The following RASGEF1C variants were observed in gnomAD, a reference collection of about 807,000 sequenced individuals.
RASGEF1C encodes the protein ras-GEF domain-containing family member 1C.
In RASGEF1C, 27 loss-of-function variants were observed where a neutral mutation model predicts 58.1. The observed-to-expected ratio is 0.46, with a 90% confidence interval of 0.34 to 0.64. The LOEUF (loss-of-function observed/expected upper bound fraction) is 0.64, where lower values mean the gene tolerates loss of function less well. Ranked by LOEUF, RASGEF1C falls within the 30% of genes least tolerant of loss-of-function variation. RASGEF1C has a pLI of 0.01. For missense variants in RASGEF1C, 502 were observed against 605.1 expected (o/e 0.83, Z 1.79); for synonymous variants, 243 against 246.3 (o/e 0.99, Z 0.13).
intron 12 of RASGEF1C, among the ~76,000 whole-genome samples, chr5:180,104,572 C>G (rs919231272): frequency 6.6e-6 from 1 of 152,092 alleles, no homozygotes; most frequent in Non-Finnish European, 1.5e-5. Context: ...TATTTTGTTA[C>G]GGCAGCTCAA....
intron 1 of RASGEF1C, among the ~76,000 whole-genome samples, chr5:180,207,874 C>T (rs1561762122): frequency 6.6e-6 from 1 of 152,234 alleles, no homozygotes; most frequent in Non-Finnish European, 1.5e-5. Flanking sequence ...GGCTCCGCCG[C>T]GCCCTGGTCT....
At chr5:180,161,979 G>A (rs1370296063) in intron 1 of RASGEF1C, among the ~76,000 whole-genome samples, 4 of 152,252 alleles carry the variant, frequency 2.6e-5, no homozygotes, top group African/African-American at 9.6e-5. Flanking sequence ...TGCTGGGCAC[G>A]TGGTGGGTAT....
intron 4 of RASGEF1C, among the ~76,000 whole-genome samples, chr5:180,129,299 G>A (rs1166694417): frequency 6.6e-6 from 1 of 152,190 alleles, no homozygotes; most frequent in Non-Finnish European, 1.5e-5. Context: ...TCGGACAACT[G>A]CCCGGCTAAC....
intron 1 of RASGEF1C, among the ~76,000 whole-genome samples, chr5:180,176,695 T>C (rs2113318065): frequency 6.6e-6 from 1 of 152,180 alleles, no homozygotes; most frequent in Admixed American, 6.5e-5. Flanking sequence ...TAGCTGGGAC[T>C]ATAGGCGTCT....
chr5:180,182,455 GAGAACCCCAGC>G (rs1456819250), intron 1 of RASGEF1C, among the ~76,000 whole-genome samples: 1 of 152,174 alleles, frequency 6.6e-6, no homozygotes, highest in Non-Finnish European at 1.5e-5. Context: ...ACAGCTGGAA[GAGAACCCCAGC>G]AGGTTGCCGC....
chr5:180,142,789 C>T (rs1766601689), intron 1 of RASGEF1C, among the ~76,000 whole-genome samples: 1 of 152,058 alleles, frequency 6.6e-6, no homozygotes, highest in Non-Finnish European at 1.5e-5. Context: ...CTCCTCGCAC[C>T]CCATCGTTTT....
At position 180,137,267 on chromosome 5, in the gene RASGEF1C, G is replaced by A. The variant is rs1338962405; in HGVS notation, c.300+323C>T. On this transcript the variant is annotated intron_variant, in intron 3 of 13. Transcript: ENST00000361132. The surrounding 1 kb of genome is among the most constrained non-coding windows in gnomAD (Gnocchi z 4.1). ...ACCCGGCCAGGACTGGGAAGGTGGAGCGGATGTGCTGGGGGAAGGAAGCCC... is the reference window on the plus strand; with the variant it reads ...ACCCGGCCAGGACTGGGAAGGTGGAACGGATGTGCTGGGGGAAGGAAGCCC... Among the ~76,000 whole-genome samples the A allele has an allele frequency of 1.3e-5, 2 of 152,198 alleles. No individual in the cohort carries two copies. Among genetic ancestry groups the A allele is most frequent in the Non-Finnish European group, 2.9e-5 (2 of 68,030 alleles).
chr5:180,134,653 C>T (rs543572486), intron 4 of RASGEF1C, among the ~76,000 whole-genome samples: 11 of 150,982 alleles, frequency 7.3e-5, no homozygotes, highest in Admixed American at 1.3e-4. Context: ...TTCCTTCTAA[C>T]ATCTGCCCAC....
rs1234092397 is a variant in RASGEF1C, at chr5:180,137,699, A to G, written c.191T>C (p.Phe64Ser). ...ADYYPEKAYI[F>S]TFLLSSRLFI... ...GAGGCGAGAGCTCAGCAGGAAGGTG[A>G]AGATGTAGGCTTTCTGGGGGACACA... The change falls in exon 3 of 14, where the codon TTC becomes TCC. Residue 64 changes from phenylalanine (F) to serine (S), a missense_variant. By Grantham distance (155) the Phe-to-Ser change is radical (BLOSUM62 -2). Transcript: ENST00000361132. The surrounding 1 kb of genome is among the most constrained non-coding windows in gnomAD (Gnocchi z 4.1). 1.2e-6 allele frequency: 2 copies of G among 1,612,982 alleles called. No individual in the cohort carries two copies.
intron 1 of RASGEF1C, among the ~76,000 whole-genome samples, chr5:180,144,551 A>G (rs375228638): frequency 4.6e-5 from 7 of 152,112 alleles, no homozygotes; most frequent in African/African-American, 1.4e-4. Flanking sequence ...AGATGGGAGG[A>G]TTGCTTGAGC....
In RASGEF1C at chr5:180,156,510, C is replaced by G. The variant is rs893806946; in HGVS notation, c.-6-18452G>C. Among the ~76,000 whole-genome samples the G allele has an allele frequency of 3.3e-5, 5 of 152,200 alleles. No individual in the cohort carries two copies. Among genetic ancestry groups the G allele is most frequent in the African/African-American group, 1.2e-4 (5 of 41,450 alleles). On this transcript the variant is annotated intron_variant, in intron 1 of 13. Coordinates refer to ENST00000361132, the MANE Select transcript of RASGEF1C (RefSeq NM_175062.4). This position sits in a 1 kb window ranked among gnomAD's most constrained non-coding sequence, Gnocchi z 4.9. ...AAGGGCCAGGCATGGTGGCTCACAC[C>G]TGTAATCCTAGCACTTTGGGAAGCT...
intron 1 of RASGEF1C, among the ~76,000 whole-genome samples, chr5:180,171,240 C>T (rs1051365185): frequency 3.3e-5 from 5 of 151,996 alleles, no homozygotes; most frequent in South Asian, 4.2e-4. Context: ...TGCAGGAGCC[C>T]GGGACTTTCT....
Position 180,118,635 on chromosome 5 carries a change from G to A in RASGEF1C, c.1057C>T (p.Leu353=). The A allele has an allele frequency of 1.9e-6, 3 of 1,613,296 alleles. No homozygotes were observed. The highest frequency in any genetic ancestry group is 1.7e-6 in the Non-Finnish European group (2 of 1,179,534). The change falls in exon 10 of 14, where the codon CTG becomes TTG. Residue 353 remains leucine, a synonymous_variant. Coordinates refer to ENST00000361132, the MANE Select transcript of RASGEF1C (RefSeq NM_175062.4). The stretch of plus-strand genomic sequence containing the variant: ...TTCTCTCGGCTGCTGTGGGCCGTCA[G>A]GGAGCGGTGGGCCGCCCCGCGCAGG... The part of the protein sequence containing the change: ...TALRGAAHRS[L]TAHSSREKIV...
intron 11 of RASGEF1C, among the ~76,000 whole-genome samples, chr5:180,112,132 A>G (rs1197973428): frequency 6.6e-6 from 1 of 152,110 alleles, no homozygotes; most frequent in African/African-American, 2.4e-5. Context: ...CTGAGGATCA[A>G]TTCAGGAAGG....
intron 1 of RASGEF1C, among the ~76,000 whole-genome samples, chr5:180,174,598 G>A (rs1278724636): frequency 2.1e-5 from 3 of 142,422 alleles, no homozygotes; most frequent in African/African-American, 7.8e-5. Context: ...GTGTGTGTGT[G>A]TGTGCACGCA....
intron 1 of RASGEF1C, among the ~76,000 whole-genome samples, chr5:180,180,385 C>T (rs558457452): frequency 2.0e-5 from 3 of 152,360 alleles, no homozygotes; most frequent in South Asian, 2.1e-4. Context: ...CTGTTTGAGA[C>T]GAGCTCCACG....
chr5:180,201,061 G>A (rs1756386472), intron 1 of RASGEF1C, among the ~76,000 whole-genome samples: 1 of 152,186 alleles, frequency 6.6e-6, no homozygotes, highest in African/African-American at 2.4e-5. Context: ...TCGCACCAGC[G>A]CACTACAGCC....
At chr5:180,133,475 G>C (rs1359526140) in intron 4 of RASGEF1C, among the ~76,000 whole-genome samples, 1 of 152,144 alleles carries the variant, frequency 6.6e-6, no homozygotes, top group Non-Finnish European at 1.5e-5. Flanking sequence ...CCCTTTTACA[G>C]AAAGACACGG....
chr5:180,205,080 C>G (rs1756466027), intron 1 of RASGEF1C, among the ~76,000 whole-genome samples: 1 of 152,066 alleles, frequency 6.6e-6, no homozygotes, highest in African/African-American at 2.4e-5. Context: ...TCTTAGCTAC[C>G]TGGGAAGCTA....
Sources: gnomAD v4.1 joint callset for allele counts (sites outside exome capture counted in the v4.1 genomes callset) on GRCh38, gnomAD v4.1.1 for gene constraint, Gnocchi (gnomAD v3.1) non-coding constraint, MANE v1.5 for transcripts, NCBI Gene and HGNC (gene_info 2026-07-23, HGNC 2026-07-21) for gene names.